Variants in CAPZB observed in about 807,000 individuals in gnomAD.
CAPZB encodes F-actin-capping protein subunit beta.
In CAPZB, 2 loss-of-function variants were observed where a neutral mutation model predicts 38.1. That is an observed-to-expected ratio of 0.05 (90% CI 0.02 to 0.17). The LOEUF is 0.17. Ranked by LOEUF, CAPZB falls within the 10% of genes least tolerant of loss-of-function variation. The probability of loss-of-function intolerance (pLI) is 1.00; values close to 1 mark genes in which losing one functional copy is unlikely to be tolerated. For synonymous variants in CAPZB, 107 were observed against 127.4 expected (o/e 0.84, Z 1.08); for missense variants, 161 against 334.2 (o/e 0.48, Z 4.04).
At chr1:19,342,683 G>A (rs965882904) in intron 8 of CAPZB, 18 of 969,904 alleles carry the variant, frequency 1.9e-5, no homozygotes, top group Non-Finnish European at 2.3e-5. Context: ...CAGCCGGACC[G>A]GCAGGGTCTC....
chr1:19,464,539 G>A (rs112043905), intron 1 of CAPZB, among the ~76,000 whole-genome samples: 9,300 of 151,944 alleles, frequency 0.061, 404 homozygotes, highest in Middle Eastern at 0.099. Flanking sequence ...TGATCCACCC[G>A]CCTCGGCCTC....
intron 1 of CAPZB, among the ~76,000 whole-genome samples, chr1:19,476,890 C>A (rs1443345617): frequency 6.6e-6 from 1 of 152,210 alleles, no homozygotes; most frequent in East Asian, 1.9e-4. Context: ...AATAAACATC[C>A]CCATGGGCTG....
At chr1:19,425,822 G>A (rs1402692350) in intron 1 of CAPZB, among the ~76,000 whole-genome samples, 1 of 152,198 alleles carries the variant, frequency 6.6e-6, no homozygotes, top group Non-Finnish European at 1.5e-5. Context: ...GCAAACTCCA[G>A]GGCAAAGTCT....
intron 1 of CAPZB, among the ~76,000 whole-genome samples, chr1:19,474,319 C>G (rs1191310784): frequency 6.6e-6 from 1 of 152,082 alleles, no homozygotes; most frequent in Non-Finnish European, 1.5e-5. Context: ...CTTACTTAAT[C>G]CTCTGGACTA....
chr1:19,355,564 G>C (rs1484125302), intron 6 of CAPZB, among the ~76,000 whole-genome samples: 2 of 152,018 alleles, frequency 1.3e-5, no homozygotes, highest in African/African-American at 2.4e-5. Flanking sequence ...CAGCTATTGA[G>C]AGCATAATTA....
intron 1 of CAPZB, chr1:19,424,730 TGA>T (rs2100542077): frequency 6.6e-6 from 1 of 152,448 alleles, no homozygotes; most frequent in Admixed American, 6.5e-5. Flanking sequence ...TTGGCCCAGA[TGA>T]ACTCTAAGAC....
intron 1 of CAPZB, among the ~76,000 whole-genome samples, chr1:19,476,753 A>C (rs12067162): frequency 6.6e-6 from 1 of 152,224 alleles, no homozygotes; most frequent in African/African-American, 2.4e-5. Flanking sequence ...TGCAGTTCAC[A>C]AAGTTCCATC....
At chr1:19,463,160 T>A (rs1409878165) in intron 1 of CAPZB, among the ~76,000 whole-genome samples, 1 of 152,164 alleles carries the variant, frequency 6.6e-6, no homozygotes, top group Non-Finnish European at 1.5e-5. Context: ...TCAAGTCCAA[T>A]CTCCCTCAGA....
At chr1:19,471,646 C>CCT (rs2094587813) in intron 1 of CAPZB, among the ~76,000 whole-genome samples, 1 of 152,018 alleles carries the variant, frequency 6.6e-6, no homozygotes. Flanking sequence ...GGGCAGATCA[C>CCT]AAGGTCAGGA....
chr1:19,359,961 G>A (rs2094043980), intron 4 of CAPZB, among the ~76,000 whole-genome samples: 1 of 152,158 alleles, frequency 6.6e-6, no homozygotes, highest in Admixed American at 6.5e-5. Flanking sequence ...TTTGGTCCAG[G>A]GCCCAAAACC....
At chr1:19,438,526 G>A (rs887000098) in intron 1 of CAPZB, among the ~76,000 whole-genome samples, 1 of 152,202 alleles carries the variant, frequency 6.6e-6, no homozygotes, top group African/African-American at 2.4e-5. Context: ...CCTTTCTCAA[G>A]TGTCTTAGTG....
At position 19,365,419 on chromosome 1, in the gene CAPZB, C is replaced by T. The variant is rs957542780; in HGVS notation, c.330-7856G>A. Among the ~76,000 whole-genome samples, 6 of 152,300 alleles carry T rather than the reference C, an allele frequency of 3.9e-5. No homozygotes were observed. The East Asian group carries it at 7.7e-4, about 20-fold the overall frequency. The stretch of plus-strand genomic sequence containing the variant: ...GAGGATGTCACTGAGTTCCAGATCG[C>T]GTGGATTTCCAGAAAGAGCACGGGC... On this transcript the variant is annotated intron_variant, in intron 4 of 8. Transcript: ENST00000264202.
chr1:19,366,030 A>C (rs907817585), intron 4 of CAPZB, among the ~76,000 whole-genome samples: 3 of 147,972 alleles, frequency 2.0e-5, no homozygotes, highest in African/African-American at 7.3e-5. Flanking sequence ...TGGGCCCTCA[A>C]ACAGCTCCAA....
intron 1 of CAPZB, among the ~76,000 whole-genome samples, chr1:19,472,781 G>A (rs1338823045): frequency 4.0e-5 from 5 of 126,030 alleles, no homozygotes. Flanking sequence ...GCAGTGGCAC[G>A]ATCTCGGCTC....
chr1:19,399,129 A>G lies in CAPZB; in HGVS notation c.94-13503T>C, dbSNP rs1468974308. 1.1e-4 allele frequency among the ~76,000 whole-genome samples: 17 copies of G among 152,200 alleles called. No individual in the cohort carries two copies. In the South Asian group the frequency reaches 2.9e-3, roughly 26 times the overall value. On this transcript the variant is annotated intron_variant, in intron 2 of 8. Transcript: ENST00000264202. Reference sequence around the variant, plus strand: ...TGTCTTGCCCTCCCGAAGTGCTGGGATTACAGGCATGAGCCACCATGCCCA... The same window carrying G: ...TGTCTTGCCCTCCCGAAGTGCTGGGGTTACAGGCATGAGCCACCATGCCCA...
rs754275666 is a variant in CAPZB, at chr1:19,364,841, CT to C, written c.330-7279del. On this transcript the variant is annotated intron_variant, in intron 4 of 8. Coordinates refer to ENST00000264202, the MANE Select transcript of CAPZB (RefSeq NM_004930.5). The stretch of plus-strand genomic sequence containing the variant: ...AGTCATCTCAAATGGAGTATTTTTT[CT>C]TTTTTTTTTTCTCTCTTTTTTTGAG... 9.0e-3 allele frequency among the ~76,000 whole-genome samples: 1,334 copies of C among 147,872 alleles called. 7 individuals carry two copies. The highest frequency in any genetic ancestry group is 0.014 in the Non-Finnish European group (941 of 66,508).
At chr1:19,484,854 T>G in intron 1 of CAPZB, 1 of 250,384 alleles carries the variant, frequency 4.0e-6, no homozygotes. Flanking sequence ...CAGATTTAAG[T>G]TCACAGAGAG....
chr1:19,414,115 G>C (rs12121242), intron 2 of CAPZB, among the ~76,000 whole-genome samples: 34,623 of 152,022 alleles, frequency 0.23, 4,313 homozygotes, highest in East Asian at 0.46. Context: ...AGCAGCGGGT[G>C]TCCACTCACT....
chr1:19,408,373 C>T (rs1013311876), intron 2 of CAPZB, among the ~76,000 whole-genome samples: 1 of 152,228 alleles, frequency 6.6e-6, no homozygotes, highest in Non-Finnish European at 1.5e-5. Context: ...ATTCGGCTTT[C>T]GGAAACTGTG....
Sources: gnomAD v4.1 joint callset for allele counts (sites outside exome capture counted in the v4.1 genomes callset) on GRCh38, gnomAD v4.1.1 for gene constraint, MANE v1.5 for transcripts, NCBI Gene and HGNC (gene_info 2026-07-23, HGNC 2026-07-21) for gene names.